Variants in GABRG3 observed in about 807,000 individuals in gnomAD.
GABRG3 encodes gamma-aminobutyric acid type A receptor subunit gamma3.
Under a neutral mutation model 48.8 loss-of-function variants are expected in GABRG3, and 25 were observed. That is an observed-to-expected ratio of 0.51 (90% CI 0.37 to 0.72). GABRG3 has a LOEUF of 0.72. Ranked by LOEUF, GABRG3 falls within the 30% of genes least tolerant of loss-of-function variation. GABRG3 has a pLI of 0.00. For synonymous variants in GABRG3, 227 were observed against 217.6 expected (o/e 1.04, Z -0.38); for missense variants, 394 against 577.9 (o/e 0.68, Z 3.26).
intron 3 of GABRG3, among the ~76,000 whole-genome samples, chr15:27,027,640 G>A (rs2140683140): frequency 6.6e-6 from 1 of 152,258 alleles, no homozygotes; most frequent in Admixed American, 6.5e-5. Flanking sequence ...CTTTTCTCTG[G>A]TGATATAAGG....
In GABRG3 at chr15:27,158,783, G is replaced by C. The variant is rs76546781; in HGVS notation, c.270+131962G>C. 3.1e-4 allele frequency among the ~76,000 whole-genome samples: 47 copies of C among 152,314 alleles called. No individual in the cohort carries two copies. In the East Asian group the frequency reaches 6.9e-3, roughly 22 times the overall value. On this transcript the variant is annotated intron_variant, in intron 3 of 9. Coordinates refer to ENST00000615808, the MANE Select transcript of GABRG3 (RefSeq NM_033223.5). Reference sequence around the variant, plus strand: ...CTATTTCCATGATAAACCATGTCATGTGGGGAATACCTCCTTATTAGGTGA... The same window carrying C: ...CTATTTCCATGATAAACCATGTCATCTGGGGAATACCTCCTTATTAGGTGA...
chr15:27,078,827 C>T (rs1896949740), intron 3 of GABRG3, among the ~76,000 whole-genome samples: 1 of 152,154 alleles, frequency 6.6e-6, no homozygotes, highest in African/African-American at 2.4e-5. Flanking sequence ...CAATGCATAT[C>T]CTTCCTGGAA....
chr15:27,421,591 T>C (rs1288121291), intron 5 of GABRG3, among the ~76,000 whole-genome samples: 1 of 148,940 alleles, frequency 6.7e-6, no homozygotes, highest in Non-Finnish European at 1.5e-5. Flanking sequence ...GAGTGGGCTA[T>C]AAATCCACCA....
chr15:26,982,444 A>T (rs1306067992), intron 2 of GABRG3, among the ~76,000 whole-genome samples: 1 of 152,190 alleles, frequency 6.6e-6, no homozygotes, highest in South Asian at 2.1e-4. Flanking sequence ...TCCAACCCAG[A>T]TCTCTCTGGC....
At position 27,409,982 on chromosome 15, in the gene GABRG3, T is replaced by C. The variant is rs148254131; in HGVS notation, c.575-70668T>C. On this transcript the variant is annotated intron_variant, in intron 5 of 9. Transcript: ENST00000615808. ...CAGTACTGTGCTAGAGTGGTAAGAATGGACATCTTTGCCTTGGTCCTGATA... is the reference window on the plus strand; with the variant it reads ...CAGTACTGTGCTAGAGTGGTAAGAACGGACATCTTTGCCTTGGTCCTGATA... Among the ~76,000 whole-genome samples, 587 of 152,336 alleles carry C rather than the reference T, an allele frequency of 3.9e-3. 4 individuals are homozygous for C. Among genetic ancestry groups the C allele is most frequent in the African/African-American group, 0.013 (557 of 41,574 alleles).
intron 3 of GABRG3, among the ~76,000 whole-genome samples, chr15:27,269,942 A>G (rs563858614): frequency 1.3e-5 from 2 of 152,210 alleles, no homozygotes; most frequent in Non-Finnish European, 2.9e-5. Flanking sequence ...ACTAATATTA[A>G]CTATAATATT....
rs1490297467 is a variant in GABRG3 at position 27,533,815 on chromosome 15, A to G, written c.*934A>G. 1 of 152,086 alleles carries G rather than the reference A, an allele frequency of 6.6e-6. No individual in the cohort carries two copies. Among genetic ancestry groups the G allele is most frequent in the African/African-American group, 2.4e-5 (1 of 41,424 alleles). The allele number at this position is 152,086 out of a possible 1,614,324, so 9.4% of individuals were successfully genotyped here. A position where few individuals can be genotyped will look rare whatever the true frequency, so the allele number is the denominator to read the frequency against. ...GAAGACATACACCGGAATGTGAAAG[A>G]CATGTAGATAAAATTTTATTTTTAT... On this transcript the variant is annotated 3_prime_UTR_variant, in exon 10 of 10. Transcript: ENST00000615808.
At chr15:27,342,181 G>A (rs1894206589) in intron 5 of GABRG3, among the ~76,000 whole-genome samples, 1 of 152,190 alleles carries the variant, frequency 6.6e-6, no homozygotes, top group African/African-American at 2.4e-5. Context: ...GAACAGTGAG[G>A]ATCCCTCTTC....
At chr15:27,330,437 A>G (rs894279405) in intron 5 of GABRG3, among the ~76,000 whole-genome samples, 2 of 152,150 alleles carry the variant, frequency 1.3e-5, no homozygotes, top group Admixed American at 6.5e-5. Flanking sequence ...GTGGAGGCCC[A>G]GGTCCAGATC....
intron 5 of GABRG3, among the ~76,000 whole-genome samples, chr15:27,475,670 A>G (rs1465048720): frequency 1.3e-5 from 2 of 151,424 alleles, no homozygotes; most frequent in Admixed American, 6.6e-5. Flanking sequence ...TGGTGATAGT[A>G]ATCATGTTGG....
chr15:27,049,287 C>T (rs558583695), intron 3 of GABRG3, among the ~76,000 whole-genome samples: 20 of 152,346 alleles, frequency 1.3e-4, no homozygotes, highest in African/African-American at 3.8e-4. Flanking sequence ...TTCATGCTTT[C>T]GCGTTACATG....
chr15:27,003,899 A>G lies in GABRG3; in HGVS notation c.203-22855A>G, dbSNP rs1171149898. On this transcript the variant is annotated intron_variant, in intron 2 of 9. Transcript: ENST00000615808. ...CCAGACGGGGCGGCTGGCCGGGCAG[A>G]GGGGCTCCTCACTTCCCAGTAGGGG... Among the ~76,000 whole-genome samples the G allele has an allele frequency of 1.5e-4, 18 of 120,746 alleles. No individual in the cohort carries two copies. In the East Asian group the frequency reaches 4.2e-3, roughly 28 times the overall value. The allele number at this position is 120,746 out of a possible 152,430, so 79.2% of individuals were successfully genotyped here.
At chr15:27,490,711 T>TGGA (rs1890328422) in intron 6 of GABRG3, among the ~76,000 whole-genome samples, 1 of 152,352 alleles carries the variant, frequency 6.6e-6, no homozygotes, top group South Asian at 2.1e-4. Context: ...AATAGTTCCT[T>TGGA]CCAGACCCCA....
chr15:27,081,069 A>G (rs1170652949), intron 3 of GABRG3, among the ~76,000 whole-genome samples: 1 of 152,174 alleles, frequency 6.6e-6, no homozygotes, highest in Non-Finnish European at 1.5e-5. Flanking sequence ...AGTTGAGCCC[A>G]CTTTGGCTAA....
At chr15:27,411,363 G>T (rs1887791777) in intron 5 of GABRG3, among the ~76,000 whole-genome samples, 1 of 152,116 alleles carries the variant, frequency 6.6e-6, no homozygotes, top group South Asian at 2.1e-4. Context: ...GCTACTTGTT[G>T]CTAGGCTGCT....
At chr15:26,989,978 G>C (rs979148761) in intron 2 of GABRG3, among the ~76,000 whole-genome samples, 2 of 152,152 alleles carry the variant, frequency 1.3e-5, no homozygotes, top group Non-Finnish European at 2.9e-5. Flanking sequence ...TAGCTGAATA[G>C]TATTACATTA....
chr15:27,508,115 G>T (rs1296774857), intron 6 of GABRG3, among the ~76,000 whole-genome samples: 1 of 152,174 alleles, frequency 6.6e-6, no homozygotes, highest in East Asian at 1.9e-4. Flanking sequence ...CTGACAACCT[G>T]TGTGTTTCAT....
rs1370806547 is a variant in GABRG3, at chr15:27,388,352, GTAA to G, written c.574+59465_574+59467del. ...GAAGGAAGGAAAGGTGGGAGGGAGGGTAAGGAAGGAAGGAAGAAAGGAAGGAAG... is the reference window on the plus strand; with the variant it reads ...GAAGGAAGGAAAGGTGGGAGGGAGGGGGAAGGAAGGAAGAAAGGAAGGAAG... On this transcript the variant is annotated intron_variant, in intron 5 of 9. Transcript: ENST00000615808. Among the ~76,000 whole-genome samples the G allele has an allele frequency of 6.2e-4, 20 of 32,342 alleles. 1 individual carries two copies. The highest frequency in any genetic ancestry group is 1.2e-3 in the Non-Finnish European group (17 of 14,198). 21.2% of individuals were successfully genotyped at this position (32,342 alleles called of 152,430 possible).
At chr15:27,504,350 G>A (rs58576982) in intron 6 of GABRG3, among the ~76,000 whole-genome samples, 18,275 of 150,692 alleles carry the variant, frequency 0.12, 2,109 homozygotes, top group African/African-American at 0.31. Flanking sequence ...TTTTATCTTC[G>A]TAGTTACCTT....
Sources: gnomAD v4.1 joint callset for allele counts (sites outside exome capture counted in the v4.1 genomes callset) on GRCh38, gnomAD v4.1.1 for gene constraint, MANE v1.5 for transcripts, NCBI Gene and HGNC (gene_info 2026-07-23, HGNC 2026-07-21) for gene names.